The following EPHA10 variants were observed in gnomAD, a reference collection of about 807,000 sequenced individuals.
EPHA10 encodes the protein ephrin type-A receptor 10.
Under a neutral mutation model 109.7 loss-of-function variants are expected in EPHA10, and 120 were observed. That is an observed-to-expected ratio of 1.09 (90% CI 0.94 to 1.27). The LOEUF (loss-of-function observed/expected upper bound fraction) is 1.27. Among genes scored for constraint, EPHA10 ranks in the 50% most tolerant of loss-of-function variants. The pLI is 0.00. For missense variants in EPHA10, 1,396 were observed against 1,411.1 expected (o/e 0.99, Z 0.17); for synonymous variants, 640 against 618.9 (o/e 1.03, Z -0.51).
intron 5 of EPHA10, among the ~76,000 whole-genome samples, chr1:37,751,201 CAAAAAAA>C (rs1320111085): frequency 2.2e-5 from 1 of 46,128 alleles, no homozygotes; most frequent in Non-Finnish European, 4.1e-5. Flanking sequence ...AGACTCCTCT[CAAAAAAA>C]AAAAAAAAAG....
At chr1:37,715,463 C>T (rs780102129), downstream of EPHA10, among the ~76,000 whole-genome samples, 7 of 152,122 alleles carry the variant, frequency 4.6e-5, no homozygotes, top group South Asian at 2.1e-4. Flanking sequence ...ACATGCTGGC[C>T]GGGTGACCTC....
At chr1:37,719,103 C>T (rs949833189) in intron 15 of EPHA10, 14 of 590,220 alleles carry the variant, frequency 2.4e-5, no homozygotes, top group Admixed American at 1.2e-4. Flanking sequence ...TTGGGAACAA[C>T]GAATATTAAT....
intron 11 of EPHA10, among the ~76,000 whole-genome samples, chr1:37,721,062 C>T (rs568238866): frequency 1.2e-4 from 19 of 152,146 alleles, no homozygotes; most frequent in African/African-American, 4.3e-4. Context: ...TGAGCTGCAA[C>T]AAGCTTGCTA....
At chr1:37,740,909 C>T (rs1055006333) in intron 5 of EPHA10, among the ~76,000 whole-genome samples, 1 of 152,054 alleles carries the variant, frequency 6.6e-6, no homozygotes, top group Admixed American at 6.6e-5. Context: ...AGAGGAAAAG[C>T]TTTTAGGGAA....
chr1:37,743,680 C>T (rs979601989), intron 5 of EPHA10, among the ~76,000 whole-genome samples: 2 of 152,160 alleles, frequency 1.3e-5, no homozygotes, highest in African/African-American at 4.8e-5. Context: ...ACATGATACT[C>T]AGTGTAAAAT....
At chr1:37,757,397 G>A (rs1646398851) in intron 3 of EPHA10, among the ~76,000 whole-genome samples, 1 of 152,110 alleles carries the variant, frequency 6.6e-6, no homozygotes, top group South Asian at 2.1e-4. Context: ...CCTTCCTAAT[G>A]TCCTCCAACA....
chr1:37,745,982 G>A (rs1186457130), intron 5 of EPHA10, among the ~76,000 whole-genome samples: 2 of 152,240 alleles, frequency 1.3e-5, no homozygotes, highest in East Asian at 3.9e-4. Context: ...TCTGTAATCC[G>A]GTAAGAGCTG....
intron 8 of EPHA10, among the ~76,000 whole-genome samples, chr1:37,723,716 C>T (rs888346644): frequency 6.6e-5 from 10 of 152,256 alleles, no homozygotes; most frequent in African/African-American, 1.2e-4. Flanking sequence ...ATAAGGCAAG[C>T]GGATCCAGCA....
At chr1:37,760,449 C>T in intron 3 of EPHA10, 1 of 1,055,760 alleles carries the variant, frequency 9.5e-7, no homozygotes, top group Non-Finnish European at 1.1e-6. Flanking sequence ...CCAGGGAGCA[C>T]AGTGATTGTA....
intron 2 of EPHA10, among the ~76,000 whole-genome samples, 199 bp downstream of exon 2, chr1:37,762,585 CT>C (rs34513765): frequency 0.032 from 4,512 of 141,516 alleles, 172 homozygotes; most frequent in Admixed American, 0.088. Context: ...CACTTATTCA[CT>C]TTTTTTTTTT....
intron 5 of EPHA10, among the ~76,000 whole-genome samples, chr1:37,739,003 G>T (rs115981232): frequency 6.6e-6 from 1 of 152,140 alleles, no homozygotes; most frequent in Admixed American, 6.5e-5. Flanking sequence ...GCCTGTCGCG[G>T]GGTGGAGGGT....
chr1:37,732,392 C>T (rs534147766), intron 6 of EPHA10, among the ~76,000 whole-genome samples: 2 of 152,264 alleles, frequency 1.3e-5, no homozygotes, highest in South Asian at 2.1e-4. Context: ...CTCCTCCCGT[C>T]GTTTCGTCCC....
rs610213 is a variant in EPHA10, at chr1:37,718,798, C to G, written c.2775G>C (p.Ala925=). 258,443 of 1,611,608 alleles carry G rather than the reference C, an allele frequency of 0.16. 21,833 individuals are homozygous for G. Among genetic ancestry groups the G allele is most frequent in the African/African-American group, 0.18 (13,828 of 74,994 alleles). ...TTCPRPPTPL[A]DRAFSTFPSF... ...AGGGGAAGGTGGAGAAGGCACGGTC[C>G]GCTAGTGGGGTGGGAGGCCTGCGGG... Residue 925 remains alanine, a synonymous_variant, in exon 16 of 17, where the codon GCG becomes GCC. Coordinates refer to ENST00000373048, the MANE Select transcript of EPHA10 (RefSeq NM_001099439.2).
In EPHA10 at chr1:37,735,292, T is replaced by C; in HGVS notation, c.1456A>G (p.Asn486Asp). Residue 486 changes from asparagine (N) to aspartate (D), a missense_variant, in exon 6 of 17, where the codon AAT becomes GAT. Coordinates refer to ENST00000373048, the MANE Select transcript of EPHA10 (RefSeq NM_001099439.2). ...TATCGGATCTCGTACTCCGTGTCAT[T>C]GGCCCCAGGGGCTCCGGCAGGGATG... ...EPIPAGAPGANDTEYEIRYYE... is the reference protein window; with the variant it reads ...EPIPAGAPGADDTEYEIRYYE... 1 of 1,562,818 alleles carries C rather than the reference T, an allele frequency of 6.4e-7. No individual in the cohort carries two copies. Among genetic ancestry groups the C allele is most frequent in the Non-Finnish European group, 8.7e-7 (1 of 1,153,528 alleles).
chr1:37,742,118 C>T (rs894796254), intron 5 of EPHA10, among the ~76,000 whole-genome samples: 12 of 152,072 alleles, frequency 7.9e-5, no homozygotes, highest in Non-Finnish European at 1.2e-4. Context: ...CCTGATAAAT[C>T]CTGCTAGTGG....
At chr1:37,723,190 G>A (rs2148314449) in intron 9 of EPHA10, 24 bp from the exon 10 acceptor site, 2 of 1,608,812 alleles carry the variant, frequency 1.2e-6, no homozygotes, top group South Asian at 1.1e-5. Context: ...AGATGAGCCT[G>A]AGGAATGGGG....
intron 2 of EPHA10, 69 bp downstream of exon 2, chr1:37,762,716 G>A (rs1457986117): frequency 7.2e-7 from 1 of 1,388,782 alleles, no homozygotes; most frequent in Non-Finnish European, 9.7e-7. Context: ...TAAACATGAG[G>A]AGCTGAGGAG....
chr1:37,723,273 G>A (rs779341214), intron 9 of EPHA10, 38 bp downstream of exon 9: 2 of 1,610,782 alleles, frequency 1.2e-6, no homozygotes, highest in East Asian at 4.5e-5. Context: ...GAGGCAGGGT[G>A]GAGCCCGCCC....
chr1:37,719,340 G>T, intron 15 of EPHA10, 74 bp downstream of exon 15: 1 of 1,524,406 alleles, frequency 6.6e-7, no homozygotes, highest in Non-Finnish European at 8.9e-7. Context: ...GGAGGCGGTG[G>T]GTTTGCACTT....
Sources: gnomAD v4.1 joint callset for allele counts (sites outside exome capture counted in the v4.1 genomes callset) on GRCh38, gnomAD v4.1.1 for gene constraint, MANE v1.5 for transcripts, NCBI Gene and HGNC (gene_info 2026-07-23, HGNC 2026-07-21) for gene names.